Variants in TUSC3 observed in about 807,000 individuals in gnomAD.
The protein encoded by TUSC3 is dolichyl-diphosphooligosaccharide--protein glycosyltransferase subunit TUSC3.
Under a neutral mutation model 44.8 loss-of-function variants are expected in TUSC3, and 45 were observed. The observed-to-expected ratio is 1.00, with a 90% CI of 0.79 to 1.29. The LOEUF is 1.29. Among genes scored for constraint, TUSC3 ranks in the 50% most tolerant of loss-of-function variants. The probability of loss-of-function intolerance (pLI) is 0.00; values close to 1 mark genes in which losing one functional copy is unlikely to be tolerated. For missense variants in TUSC3, 519 were observed against 437.9 expected (o/e 1.19, Z -1.65); for synonymous variants, 212 against 152.9 (o/e 1.39, Z -2.85).
intron 9 of TUSC3, among the ~76,000 whole-genome samples, chr8:15,750,730 T>A (rs1316180438): frequency 6.6e-6 from 1 of 152,174 alleles, no homozygotes; most frequent in African/African-American, 2.4e-5. Flanking sequence ...TATTTCTGTG[T>A]GAATGTGGCA....
chr8:15,659,456 A>C, intron 3 of TUSC3, 51 bp from the exon 4 acceptor site: 1 of 1,592,530 alleles, frequency 6.3e-7, no homozygotes, highest in Non-Finnish European at 8.5e-7. Flanking sequence ...AAAATATTGG[A>C]TTAATGATAA....
chr8:15,486,266 A>T (rs2129125313), intron 2 of TUSC3, among the ~76,000 whole-genome samples: 1 of 152,316 alleles, frequency 6.6e-6, no homozygotes, highest in African/African-American at 2.4e-5. Context: ...AGTTATTCAC[A>T]GTTAATATAG....
chr8:15,554,847 C>T (rs891735760), intron 1 of TUSC3, among the ~76,000 whole-genome samples: 3 of 151,082 alleles, frequency 2.0e-5, no homozygotes, highest in Non-Finnish European at 4.4e-5. Context: ...CCTCGTGATC[C>T]ACCTGCCTCA....
chr8:15,538,421 C>T (rs1255140766), upstream of TUSC3, among the ~76,000 whole-genome samples: 1 of 152,126 alleles, frequency 6.6e-6, no homozygotes, highest in Non-Finnish European at 1.5e-5. Flanking sequence ...AAATCAAAAG[C>T]TTGCGATACA....
chr8:15,524,012 C>A (rs916653460), intron 2 of TUSC3, among the ~76,000 whole-genome samples: 2 of 148,016 alleles, frequency 1.4e-5, no homozygotes, highest in Non-Finnish European at 3.0e-5. Context: ...CCTGAGATTG[C>A]GCCACTGCAC....
At chr8:15,776,929 C>A in the TUSC3 span, among the ~76,000 whole-genome samples, 1 of 86,750 alleles carries the variant, frequency 1.2e-5, no homozygotes, top group Non-Finnish European at 2.2e-5. Context: ...GTCATGTGTT[C>A]ATTCAAAAAA....
At chr8:15,812,256 G>A in the TUSC3 span, among the ~76,000 whole-genome samples, 1 of 152,112 alleles carries the variant, frequency 6.6e-6, no homozygotes, top group South Asian at 2.1e-4. Context: ...TAGACTGAAA[G>A]GTTCAAAAGA....
At chr8:15,606,090 A>G (rs1012703163) in intron 1 of TUSC3, among the ~76,000 whole-genome samples, 2 of 152,146 alleles carry the variant, frequency 1.3e-5, no homozygotes, top group Admixed American at 6.6e-5. Context: ...AAATGCCACT[A>G]GGGATGCTGG....
chr8:15,422,984 T>C (rs1197256673), intron 1 of TUSC3, among the ~76,000 whole-genome samples: 2 of 152,196 alleles, frequency 1.3e-5, no homozygotes, highest in Non-Finnish European at 2.9e-5. Flanking sequence ...AGTGTATTTA[T>C]ATTTCAAAAC....
intron 1 of TUSC3, among the ~76,000 whole-genome samples, chr8:15,451,033 A>C (rs1800191992): frequency 6.6e-6 from 1 of 152,114 alleles, no homozygotes; most frequent in Admixed American, 6.5e-5. Flanking sequence ...AACTTCACAA[A>C]CCTTTTTCCT....
At chr8:15,589,361 T>C (rs1373972057) in intron 1 of TUSC3, among the ~76,000 whole-genome samples, 2 of 152,140 alleles carry the variant, frequency 1.3e-5, no homozygotes. Flanking sequence ...TCCATACGCA[T>C]GTTAAAGTTG....
chr8:15,749,331 C>T (rs547491584), intron 9 of TUSC3, among the ~76,000 whole-genome samples: 165 of 152,248 alleles, frequency 1.1e-3, no homozygotes, highest in Admixed American at 2.4e-3. Context: ...CGTTTCCACA[C>T]AGATCATAGC....
intron 1 of TUSC3, among the ~76,000 whole-genome samples, chr8:15,467,245 T>G (rs940112261): frequency 6.7e-6 from 1 of 150,356 alleles, no homozygotes; most frequent in Non-Finnish European, 1.5e-5. Flanking sequence ...TCTACTGTCA[T>G]TCAGTGGTAT....
At chr8:15,665,949 C>A (rs1280917538) in intron 5 of TUSC3, among the ~76,000 whole-genome samples, 1 of 151,328 alleles carries the variant, frequency 6.6e-6, no homozygotes, top group Non-Finnish European at 1.5e-5. Flanking sequence ...TCTTCCCTCA[C>A]CCCCTAAACA....
chr8:15,586,948 G>C (rs772286031), intron 1 of TUSC3, among the ~76,000 whole-genome samples: 3 of 152,150 alleles, frequency 2.0e-5, no homozygotes, highest in Non-Finnish European at 4.4e-5. Context: ...AGCCATCCTA[G>C]TGATTCTGAT....
rs377392057 is a variant in TUSC3, at chr8:15,730,626, G to A, written c.799-40G>A. The A allele has an allele frequency of 1.1e-5, 17 of 1,592,422 alleles. No homozygotes were observed. The African/African-American group carries it at 2.3e-4, about 21-fold the overall frequency. ...CTTAAAACTACAAAATAATTATGAG[G>A]CTTTCTCAGACTGTAATTTCTGTTT... On this transcript the variant is annotated intron_variant, in intron 6 of 10. Transcript: ENST00000503731.
At chr8:15,657,028 G>C (rs1036068318) in intron 3 of TUSC3, among the ~76,000 whole-genome samples, 3 of 152,144 alleles carry the variant, frequency 2.0e-5, no homozygotes, top group African/African-American at 4.8e-5. Context: ...TCTGAACAGT[G>C]AGCTTTGACG....
intron 3 of TUSC3, among the ~76,000 whole-genome samples, chr8:15,653,996 T>G (rs576435472): frequency 6.6e-6 from 1 of 152,224 alleles, no homozygotes; most frequent in South Asian, 2.1e-4. Flanking sequence ...GATAGGCTAG[T>G]GGGTTAATGA....
intron 6 of TUSC3, among the ~76,000 whole-genome samples, chr8:15,701,412 C>A (rs1268077062): frequency 6.6e-6 from 1 of 151,984 alleles, no homozygotes; most frequent in South Asian, 2.1e-4. Context: ...TTGTAAAATA[C>A]TGTGTATGTG....
Sources: gnomAD v4.1 joint callset for allele counts (sites outside exome capture counted in the v4.1 genomes callset) on GRCh38, gnomAD v4.1.1 for gene constraint, MANE v1.5 for transcripts, NCBI Gene and HGNC (gene_info 2026-07-23, HGNC 2026-07-21) for gene names.